Variants in KIAA1217 observed in about 807,000 individuals in gnomAD.
The protein encoded by KIAA1217 is sickle tail protein homolog.
Under a neutral mutation model 163.9 loss-of-function variants are expected in KIAA1217, and 88 were observed. The observed-to-expected ratio is 0.54, with a 90% CI of 0.45 to 0.64. KIAA1217 has a LOEUF of 0.64. Among genes scored for constraint, KIAA1217 ranks in the 30% least tolerant of loss-of-function variants. The pLI is 0.00. For missense variants in KIAA1217, 2,372 were observed against 2,475.0 expected (o/e 0.96, Z 0.88); for synonymous variants, 903 against 923.1 (o/e 0.98, Z 0.39).
At chr10:24,337,916 T>C (rs558299827) in intron 2 of KIAA1217, among the ~76,000 whole-genome samples, 1 of 152,306 alleles carries the variant, frequency 6.6e-6, no homozygotes, top group South Asian at 2.1e-4. Flanking sequence ...ATGCTGGGAT[T>C]CCAGGCATGA....
intron 2 of KIAA1217, among the ~76,000 whole-genome samples, chr10:24,066,200 T>G (rs1223905212): frequency 1.3e-5 from 2 of 152,184 alleles, no homozygotes; most frequent in Non-Finnish European, 2.9e-5. Flanking sequence ...GTTAGCTGGT[T>G]ATTTTGCTCA....
intron 2 of KIAA1217, among the ~76,000 whole-genome samples, chr10:24,379,772 CGGGCAT>C (rs112714690): frequency 0.024 from 3,717 of 152,164 alleles, 168 homozygotes; most frequent in African/African-American, 0.085. Context: ...TTAATAAGGC[CGGGCAT>C]GGTAGCTCGC....
intron 1 of KIAA1217, among the ~76,000 whole-genome samples, chr10:23,721,335 T>C (rs1357839459): frequency 6.6e-6 from 1 of 152,208 alleles, no homozygotes; most frequent in Non-Finnish European, 1.5e-5. Context: ...ATTATTTTAA[T>C]TTAGTGTATT....
At chr10:23,704,202 A>ATATATATATATATATG (rs1564351822) in intron 1 of KIAA1217, among the ~76,000 whole-genome samples, 3 of 128,368 alleles carry the variant, frequency 2.3e-5, no homozygotes, top group Non-Finnish European at 4.9e-5. Flanking sequence ...ATATATATAT[A>ATATATATATATATATG]TATATATATA....
At chr10:24,207,697 G>T (rs530012447), upstream of KIAA1217, among the ~76,000 whole-genome samples, 2 of 152,164 alleles carry the variant, frequency 1.3e-5, no homozygotes, top group Non-Finnish European at 2.9e-5. Flanking sequence ...GAAAAATCCC[G>T]TTAAGAATTG....
Position 24,545,121 on chromosome 10 carries a change from C to G in KIAA1217, c.5334+18C>G. On this transcript the variant is annotated intron_variant, in intron 20 of 20. Transcript: ENST00000376454. ...ATCGTCAGGTAGTTTTACCTTAAAC[C>G]CACTTTTGGATGGACGCTATTTCAG... 2 of 1,614,006 alleles carry G rather than the reference C, an allele frequency of 1.2e-6. No homozygotes were observed. The highest frequency in any genetic ancestry group is 1.3e-5 in the African/African-American group (1 of 75,042).
chr10:24,059,295 G>C, intron 2 of KIAA1217, among the ~76,000 whole-genome samples: 1 of 151,896 alleles, frequency 6.6e-6, no homozygotes, highest in East Asian at 1.9e-4. Context: ...TTTGTCGGGG[G>C]TTGTTTTATC....
intron 1 of KIAA1217, among the ~76,000 whole-genome samples, chr10:23,781,746 G>A (rs1033614414): frequency 6.6e-6 from 1 of 152,140 alleles, no homozygotes; most frequent in African/African-American, 2.4e-5. Flanking sequence ...TGCTTTTTGT[G>A]TAGAGTGTAA....
intron 6 of KIAA1217, 22 bp downstream of exon 6, chr10:24,474,082 C>T (rs753837813): frequency 7.1e-6 from 11 of 1,552,084 alleles, no homozygotes; most frequent in South Asian, 4.9e-5. Context: ...TGAGGGTGAC[C>T]GAGGGTGGTA....
intron 11 of KIAA1217, among the ~76,000 whole-genome samples, chr10:24,521,291 C>T (rs1377929976): frequency 2.0e-5 from 3 of 151,902 alleles, no homozygotes; most frequent in Admixed American, 6.6e-5. Context: ...GATCATGCCA[C>T]TGCACTCCAG....
intron 9 of KIAA1217, among the ~76,000 whole-genome samples, chr10:24,506,459 G>A (rs996462788): frequency 6.6e-6 from 1 of 152,098 alleles, no homozygotes; most frequent in Non-Finnish European, 1.5e-5. Flanking sequence ...AACTTATTTG[G>A]TCCAATTAAA....
intron 2 of KIAA1217, among the ~76,000 whole-genome samples, chr10:24,337,587 GTTTTT>G (rs1193013922): frequency 2.1e-5 from 3 of 144,414 alleles, no homozygotes; most frequent in East Asian, 4.1e-4. Flanking sequence ...GTTTTGTGTG[GTTTTT>G]TTCTTTTCTT....
intron 1 of KIAA1217, among the ~76,000 whole-genome samples, chr10:23,754,851 T>TC (rs1321510258): frequency 1.3e-5 from 2 of 150,864 alleles, no homozygotes; most frequent in African/African-American, 4.9e-5. Context: ...TTTTTTTTTT[T>TC]CCTAAATGAG....
chr10:24,230,515 T>TG (rs1366209584), intron 2 of KIAA1217, among the ~76,000 whole-genome samples: 1 of 142,636 alleles, frequency 7.0e-6, no homozygotes, highest in East Asian at 2.0e-4. Context: ...TTTTTTTTTT[T>TG]TTTTTTTTGA....
At position 24,468,286 on chromosome 10, in the gene KIAA1217, G is replaced by T. The variant is rs77475788; in HGVS notation, c.847-4942G>T. Among the ~76,000 whole-genome samples, 686 of 152,156 alleles carry T rather than the reference G, an allele frequency of 4.5e-3. 7 individuals carry two copies. Among genetic ancestry groups the T allele is most frequent in the African/African-American group, 0.016 (652 of 41,488 alleles). On this transcript the variant is annotated intron_variant, in intron 5 of 20. Coordinates refer to ENST00000376454, the MANE Select transcript of KIAA1217 (RefSeq NM_019590.5). ...GATTCCCAAGTTGTCTGATCGTAAGGGTTCATTCTAGTTGTGGTTTTAAAA... is the reference window on the plus strand; with the variant it reads ...GATTCCCAAGTTGTCTGATCGTAAGTGTTCATTCTAGTTGTGGTTTTAAAA...
At chr10:24,109,193 G>A (rs1028078226) in intron 2 of KIAA1217, among the ~76,000 whole-genome samples, 1 of 151,986 alleles carries the variant, frequency 6.6e-6, no homozygotes, top group Non-Finnish European at 1.5e-5. Flanking sequence ...TCAGAGAGAT[G>A]GATCAACACC....
At chr10:24,041,942 T>TGG (rs1336638307) in intron 2 of KIAA1217, among the ~76,000 whole-genome samples, 2 of 148,396 alleles carry the variant, frequency 1.3e-5, no homozygotes, top group African/African-American at 5.1e-5. Flanking sequence ...CAAGGGAGTA[T>TGG]CGTGTGTGTG....
chr10:23,821,597 G>T (rs1334582300), intron 1 of KIAA1217, among the ~76,000 whole-genome samples: 1 of 152,134 alleles, frequency 6.6e-6, no homozygotes, highest in Non-Finnish European at 1.5e-5. Context: ...CCAGTTTCTT[G>T]GATTCCTTTC....
chr10:24,497,154 ATTATCCCTGTTCTGTAGACAAG>A (rs1457077766), intron 8 of KIAA1217, among the ~76,000 whole-genome samples: 7 of 152,230 alleles, frequency 4.6e-5, no homozygotes, highest in Admixed American at 3.9e-4. Flanking sequence ...CAAGACAAGT[ATTATCCCTGTTCTGTAGACAAG>A]TAAACGGAAT....
Sources: allele counts gnomAD v4.1 joint callset (sites outside exome capture counted in the v4.1 genomes callset), GRCh38; gene constraint gnomAD v4.1.1; transcripts MANE v1.5; gene names NCBI Gene and HGNC (gene_info 2026-07-23, HGNC 2026-07-21).